NTN1: variants seen among roughly 807,000 people sequenced by gnomAD.
The protein encoded by NTN1 is netrin-1.
A neutral mutation model predicts 54.2 loss-of-function variants in NTN1; 11 were observed. That is an observed-to-expected ratio of 0.20 (90% CI 0.13 to 0.34). The LOEUF (loss-of-function observed/expected upper bound fraction) is 0.34, where lower values mean the gene tolerates loss of function less well. Ranked by LOEUF, NTN1 falls within the 10% of genes least tolerant of loss-of-function variation. The pLI, the probability that NTN1 is intolerant of heterozygous loss-of-function variation, is 1.00. For synonymous variants in NTN1, 371 were observed against 382.0 expected, an observed-to-expected ratio of 0.97 and a Z score of 0.33; for missense variants, 740 against 893.1, an observed-to-expected ratio of 0.83 and a Z score of 2.18.
the NTN1 span, among the ~76,000 whole-genome samples, chr17:9,003,406 C>A: frequency 2.6e-5 from 4 of 151,670 alleles, no homozygotes; most frequent in African/African-American, 9.7e-5. The surrounding 1 kb of genome is among the most constrained non-coding windows in gnomAD (Gnocchi z 7.4). Context: ...CACGCCAGAG[C>A]CCCAGCCCCG....
intron 3 of NTN1, among the ~76,000 whole-genome samples, chr17:9,168,703 G>T (rs951463249): frequency 6.6e-6 from 1 of 152,170 alleles, no homozygotes. Context: ...GCAAAGCAAA[G>T]TTCCTGGGCC....
At chr17:9,085,507 T>G (rs1210348498) in intron 2 of NTN1, among the ~76,000 whole-genome samples, 1 of 152,216 alleles carries the variant, frequency 6.6e-6, no homozygotes, top group East Asian at 1.9e-4. Flanking sequence ...CATGCGTCCC[T>G]TAACTAAAAG....
chr17:9,133,586 A>ATTT (rs544456345), intron 2 of NTN1, among the ~76,000 whole-genome samples: 9 of 131,048 alleles, frequency 6.9e-5, no homozygotes, highest in African/African-American at 8.7e-5. Context: ...TTCTCATTGA[A>ATTT]TTTTTTTTTT....
chr17:9,114,018 C>G (rs921402417), intron 2 of NTN1, among the ~76,000 whole-genome samples: 1 of 150,420 alleles, frequency 6.6e-6, no homozygotes, highest in Non-Finnish European at 1.5e-5. Context: ...AAAAATTAGC[C>G]GGGCATGGTG....
chr17:9,064,532 C>T (rs1330838379), intron 2 of NTN1, among the ~76,000 whole-genome samples: 2 of 152,220 alleles, frequency 1.3e-5, no homozygotes, highest in Admixed American at 1.3e-4. Flanking sequence ...CTTTCACTCC[C>T]CCATCCCCAA....
chr17:9,193,641 G>T (rs8071180), intron 5 of NTN1, among the ~76,000 whole-genome samples: 1 of 151,910 alleles, frequency 6.6e-6, no homozygotes, highest in Admixed American at 6.6e-5. Flanking sequence ...AACATTATGC[G>T]GCTGGGCACG....
rs16957809 is a variant in NTN1, at chr17:9,029,222, A to G, written c.1018+5831A>G. On this transcript the variant is annotated intron_variant, in intron 2 of 6. Coordinates refer to ENST00000173229, the MANE Select transcript of NTN1 (RefSeq NM_004822.3). ...TCCTGAAGACAGACCACAAACTCCT[A>G]TTGAGTGCCAGGCATTGTCCTAGGT... Among the ~76,000 whole-genome samples the G allele has an allele frequency of 1.5e-3, 231 of 152,236 alleles. 1 individual carries two copies. Among genetic ancestry groups the G allele is most frequent in the African/African-American group, 4.9e-3 (204 of 41,532 alleles).
intron 3 of NTN1, among the ~76,000 whole-genome samples, chr17:9,170,491 G>A (rs2092384486): frequency 6.6e-6 from 1 of 152,188 alleles, no homozygotes; most frequent in Non-Finnish European, 1.5e-5. Context: ...TGTGGACTTG[G>A]CAGCCAATTC....
upstream of NTN1, among the ~76,000 whole-genome samples, chr17:9,020,898 G>A (rs1381105912): frequency 1.3e-5 from 2 of 152,206 alleles, no homozygotes; most frequent in Non-Finnish European, 2.9e-5. Flanking sequence ...GATATCCGTG[G>A]GAGTGCGGGC....
intron 2 of NTN1, among the ~76,000 whole-genome samples, chr17:9,129,088 C>G (rs528245964): frequency 4.6e-5 from 7 of 152,166 alleles, no homozygotes; most frequent in African/African-American, 1.7e-4. Flanking sequence ...CGCTCACTTT[C>G]GTTGCCTCGG....
At chr17:9,172,835 G>C (rs1487492158) in intron 3 of NTN1, 2 of 150,880 alleles carry the variant, frequency 1.3e-5, no homozygotes, top group Non-Finnish European at 2.9e-5. Flanking sequence ...CTTGAACCTG[G>C]GAGGCGGAGG....
chr17:9,225,506 G>C (rs923899273), intron 6 of NTN1, among the ~76,000 whole-genome samples: 1 of 152,166 alleles, frequency 6.6e-6, no homozygotes, highest in African/African-American at 2.4e-5. Flanking sequence ...TTTCTCTGAG[G>C]CTGAGGCAAG....
chr17:9,066,261 A>C (rs2092014664), intron 2 of NTN1, among the ~76,000 whole-genome samples: 1 of 151,884 alleles, frequency 6.6e-6, no homozygotes, highest in African/African-American at 2.4e-5. Flanking sequence ...GTCTCCAAAA[A>C]ATAAAAATAA....
intron 6 of NTN1, among the ~76,000 whole-genome samples, chr17:9,227,890 C>G (rs1334373007): frequency 2.0e-5 from 3 of 151,784 alleles, no homozygotes; most frequent in Non-Finnish European, 4.4e-5. Flanking sequence ...ACACACACCC[C>G]ACCACTATAC....
Position 9,164,798 on chromosome 17 carries a change from T to A in NTN1, c.1207+1797T>A, listed in dbSNP as rs539360742. Among the ~76,000 whole-genome samples the A allele has an allele frequency of 1.1e-4, 16 of 152,208 alleles. No homozygotes were observed. The South Asian group carries it at 1.5e-3, about 14-fold the overall frequency. ...GTAGCTGGGCTGTTTCCACATTTTT[T>A]AAAAAATCACGGTTTCAGGTGAGAA... On this transcript the variant is annotated intron_variant, in intron 3 of 6. Transcript: ENST00000173229.
intron 2 of NTN1, among the ~76,000 whole-genome samples, chr17:9,074,484 C>T (rs983233660): frequency 6.6e-6 from 1 of 152,166 alleles, no homozygotes; most frequent in African/African-American, 2.4e-5. Flanking sequence ...AAAACAACTC[C>T]AAGTTCATGA....
At chr17:9,209,116 A>G (rs1205629179) in intron 5 of NTN1, among the ~76,000 whole-genome samples, 2 of 152,096 alleles carry the variant, frequency 1.3e-5, no homozygotes, top group Non-Finnish European at 2.9e-5. Context: ...CCCCTTACCC[A>G]TCTCACGGCA....
At chr17:9,013,128 A>C in the NTN1 span, among the ~76,000 whole-genome samples, 1 of 151,974 alleles carries the variant, frequency 6.6e-6, no homozygotes, top group Non-Finnish European at 1.5e-5. Flanking sequence ...TGTGGTAGCC[A>C]GGTCTGTTCT....
At chr17:9,078,440 G>A (rs1022090280) in intron 2 of NTN1, among the ~76,000 whole-genome samples, 4 of 152,200 alleles carry the variant, frequency 2.6e-5, no homozygotes, top group East Asian at 1.9e-4. Flanking sequence ...GGGATGGAGC[G>A]TGAGCATCCT....
Sources: allele counts gnomAD v4.1 joint callset (sites outside exome capture counted in the v4.1 genomes callset), GRCh38; gene constraint gnomAD v4.1.1; non-coding constraint Gnocchi (gnomAD v3.1); transcripts MANE v1.5; gene names NCBI Gene and HGNC (gene_info 2026-07-23, HGNC 2026-07-21).